Variants in DMD observed in about 807,000 individuals in gnomAD.
The protein encoded by DMD is dystrophin.
In DMD, 63 loss-of-function variants were observed where a neutral mutation model predicts 330.1. The observed-to-expected ratio is 0.19, with a 90% confidence interval of 0.16 to 0.24. The LOEUF is 0.24. DMD is among the 10% of genes least tolerant of loss of function. The probability of loss-of-function intolerance (pLI) is 1.00; values close to 1 mark genes in which losing one functional copy is unlikely to be tolerated. For missense variants in DMD, 3,344 were observed against 2,684.1 expected (o/e 1.25, Z -5.43); for synonymous variants, 1,223 against 959.8 (o/e 1.27, Z -5.07).
At chrX:31,376,376 C>A (rs1232596768) in intron 60 of DMD, among the ~76,000 whole-genome samples, 1 of 112,109 alleles carries the variant, frequency 8.9e-6, no homozygotes, top group Non-Finnish European at 1.9e-5. Context: ...GATTTTGACA[C>A]AGATTCTCTG....
At chrX:32,717,242 T>A (rs1160656112) in intron 7 of DMD, among the ~76,000 whole-genome samples, 2 of 110,711 alleles carry the variant, frequency 1.8e-5, no homozygotes, top group Non-Finnish European at 1.9e-5. Flanking sequence ...GGTCTGGAGG[T>A]CTAGGAAGGA....
At chrX:31,194,344 G>C (rs113098523) in intron 67 of DMD, among the ~76,000 whole-genome samples, 2,604 of 112,342 alleles carry the variant, frequency 0.023, 84 homozygotes, top group African/African-American at 0.08. Flanking sequence ...GTTCAGTGTG[G>C]ACTGCATATC....
At chrX:32,845,736 T>G (rs2080595580) in intron 3 of DMD, among the ~76,000 whole-genome samples, 1 of 112,244 alleles carries the variant, frequency 8.9e-6, no homozygotes, top group Non-Finnish European at 1.9e-5. Flanking sequence ...GCTGACTGCC[T>G]GGGTTCAATT....
intron 43 of DMD, among the ~76,000 whole-genome samples, chrX:32,254,744 CA>C (rs1421024313): frequency 8.9e-6 from 1 of 112,138 alleles, no homozygotes; most frequent in Non-Finnish European, 1.9e-5. Context: ...CCATCTTAAC[CA>C]TATCAGCTGC....
chrX:32,111,080 A>G (rs1244850817), intron 44 of DMD, among the ~76,000 whole-genome samples: 1 of 112,370 alleles, frequency 8.9e-6, no homozygotes, highest in Non-Finnish European at 1.9e-5. Context: ...TTGCATAGCT[A>G]GTATGTACCC....
intron 2 of DMD, among the ~76,000 whole-genome samples, chrX:32,895,108 C>T (rs897203552): frequency 5.4e-5 from 6 of 111,650 alleles, no homozygotes; most frequent in Admixed American, 3.8e-4. Context: ...CACGGGCCAC[C>T]GGATCAGAGC....
intron 1 of DMD, among the ~76,000 whole-genome samples, chrX:33,163,550 G>A (rs866847735): frequency 1.0e-5 from 1 of 95,283 alleles, no homozygotes; most frequent in Non-Finnish European, 2.0e-5. Flanking sequence ...ATATATATGT[G>A]TGTATATATA....
At chrX:32,329,129 C>T (rs1420501989) in intron 41 of DMD, among the ~76,000 whole-genome samples, 2 of 112,202 alleles carry the variant, frequency 1.8e-5, no homozygotes. Context: ...GAATAGGCTC[C>T]TGACTTCATC....
intron 16 of DMD, among the ~76,000 whole-genome samples, chrX:32,561,326 G>A (rs188749804): frequency 2.6e-4 from 29 of 111,259 alleles, no homozygotes; most frequent in Admixed American, 2.5e-3. Flanking sequence ...ACCTGATAGA[G>A]CTGAGAAACG....
chrX:31,127,009 A>G (rs1358270558), intron 77 of DMD, among the ~76,000 whole-genome samples: 1 of 111,110 alleles, frequency 9.0e-6, no homozygotes, highest in Non-Finnish European at 1.9e-5. Flanking sequence ...TTCAAGGACA[A>G]CTCAAACTTA....
chrX:32,680,461 G>T (rs997104618), intron 9 of DMD, among the ~76,000 whole-genome samples: 1 of 110,427 alleles, frequency 9.1e-6, no homozygotes, highest in Non-Finnish European at 1.9e-5. Flanking sequence ...CAAGCCAAAG[G>T]CTGTCTATAA....
chrX:33,320,792 T>G (rs749441257), intron 1 of DMD, among the ~76,000 whole-genome samples: 340 of 112,862 alleles, frequency 3.0e-3, no homozygotes, highest in Non-Finnish European at 4.5e-3. Flanking sequence ...GTCAGTCTTC[T>G]CAAATTCTGC....
intron 1 of DMD, among the ~76,000 whole-genome samples, chrX:33,261,538 T>C (rs1305968074): frequency 9.2e-6 from 1 of 109,042 alleles, no homozygotes; most frequent in African/African-American, 3.3e-5. Context: ...GCAATCATTC[T>C]TGAAAAGAAA....
At chrX:32,369,044 T>C (rs1422231624) in intron 34 of DMD, among the ~76,000 whole-genome samples, 1 of 111,347 alleles carries the variant, frequency 9.0e-6, no homozygotes, top group Non-Finnish European at 1.9e-5. Context: ...AACTATATAC[T>C]TGGCACTAAG....
intron 2 of DMD, among the ~76,000 whole-genome samples, chrX:32,936,070 C>G (rs1678184125): frequency 9.1e-6 from 1 of 110,404 alleles, no homozygotes; most frequent in Admixed American, 9.7e-5. Context: ...ACAAAAAAAA[C>G]TGTCTAGAAA....
At chrX:31,819,928 T>C (rs1428895233) in intron 50 of DMD, 47 bp downstream of exon 50, 2 of 1,082,478 alleles carry the variant, frequency 1.8e-6, no homozygotes, top group Non-Finnish European at 2.6e-6. Context: ...AGTTGCACTT[T>C]TGAACAAATA....
intron 16 of DMD, among the ~76,000 whole-genome samples, chrX:32,563,858 T>C (rs991641146): frequency 8.9e-6 from 1 of 112,103 alleles, no homozygotes; most frequent in African/African-American, 3.2e-5. Context: ...TCACTGTCTA[T>C]TTTCTTTAAA....
At chrX:32,292,744 T>A (rs1041592308) in intron 42 of DMD, among the ~76,000 whole-genome samples, 10 of 112,013 alleles carry the variant, frequency 8.9e-5, no homozygotes, top group African/African-American at 2.3e-4. Context: ...AAGTTAACAA[T>A]AAAACTTAGA....
chrX:32,512,233 C>G (rs755093844), intron 18 of DMD, among the ~76,000 whole-genome samples: 1 of 111,985 alleles, frequency 8.9e-6, no homozygotes, highest in South Asian at 3.7e-4. Context: ...CTCTTAAAAG[C>G]CTCCTCTTTC....
Sources: allele counts gnomAD v4.1 joint callset (sites outside exome capture counted in the v4.1 genomes callset), GRCh38; gene constraint gnomAD v4.1.1; transcripts MANE v1.5; gene names NCBI Gene and HGNC (gene_info 2026-07-23, HGNC 2026-07-21).